The following DLEU7 variants were observed in gnomAD, a reference collection of about 807,000 sequenced individuals.
DLEU7 encodes the protein deleted in lymphocytic leukemia 7.
A neutral mutation model predicts 16.0 loss-of-function variants in DLEU7; 17 were observed. That is an observed-to-expected ratio of 1.06 (90% CI 0.73 to 1.59). DLEU7 has a LOEUF of 1.59. Among genes scored for constraint, DLEU7 ranks in the 40% most tolerant of loss-of-function variants. The pLI is 0.00. For synonymous variants in DLEU7, 113 were observed against 139.8 expected (o/e 0.81, Z 1.35); for missense variants, 308 against 314.9 (o/e 0.98, Z 0.17).
intron 1 of DLEU7, among the ~76,000 whole-genome samples, chr13:50,745,443 G>C (rs1436558575): frequency 6.6e-6 from 1 of 152,144 alleles, no homozygotes; most frequent in African/African-American, 2.4e-5. Context: ...AACGGGTACA[G>C]AGTTTCAGTT....
At chr13:50,749,239 G>C (rs1903616) in intron 1 of DLEU7, among the ~76,000 whole-genome samples, 70,666 of 151,356 alleles carry the variant, frequency 0.47, 17,396 homozygotes, top group African/African-American at 0.61. Flanking sequence ...TTATGGCCAA[G>C]TAGTAGTCCA....
chr13:50,816,678 C>T (rs1246264086), intron 1 of DLEU7, among the ~76,000 whole-genome samples: 1 of 151,762 alleles, frequency 6.6e-6, no homozygotes, highest in Admixed American at 6.6e-5. Flanking sequence ...ACTTCCCAGA[C>T]GTTATGAAAA....
chr13:50,752,500 C>G (rs1366660057), intron 1 of DLEU7, among the ~76,000 whole-genome samples: 3 of 152,082 alleles, frequency 2.0e-5, no homozygotes, highest in Non-Finnish European at 4.4e-5. Flanking sequence ...AGCCGTGGAC[C>G]CTCGCGGTGA....
At chr13:50,797,033 A>G (rs1344042842) in intron 1 of DLEU7, among the ~76,000 whole-genome samples, 2 of 152,202 alleles carry the variant, frequency 1.3e-5, no homozygotes, top group African/African-American at 4.8e-5. Flanking sequence ...TCTGCAATTG[A>G]AAATGAAGAT....
chr13:50,843,356 G>T lies in DLEU7; in HGVS notation c.291C>A (p.Gly97=), dbSNP rs368721515. 3.3e-5 allele frequency: 48 copies of T among 1,436,388 alleles called. No individual in the cohort carries two copies. In the African/African-American group the frequency reaches 6.3e-4, roughly 19 times the overall value. The allele number at this position is 1,436,388 out of a possible 1,614,324, so 89.0% of individuals were successfully genotyped here. The change falls in exon 1 of 2, where the codon GGC becomes GGA. Residue 97 remains glycine (G), a synonymous_variant. Coordinates refer to ENST00000504404, the MANE Select transcript of DLEU7 (RefSeq NM_001306135.2). This position sits in a 1 kb window ranked among gnomAD's most constrained non-coding sequence, Gnocchi z 5.7. ...EEEVVRGAEG[G]AELLPFPRDR... ...CCCGGGGGAAGGGCAGCAACTCGGC[G>T]CCCCCCTCAGCGCCTCGCACTACCT...
chr13:50,761,028 G>A (rs1874912581), intron 1 of DLEU7, among the ~76,000 whole-genome samples: 1 of 152,156 alleles, frequency 6.6e-6, no homozygotes, highest in Admixed American at 6.5e-5. Context: ...GCAGCCACTG[G>A]ATGGGGGAGG....
At chr13:50,754,243 C>T (rs1249934834) in intron 1 of DLEU7, among the ~76,000 whole-genome samples, 17 of 152,158 alleles carry the variant, frequency 1.1e-4, no homozygotes, top group African/African-American at 9.7e-5. Context: ...TCTGTCTTGA[C>T]GACCTGTCTA....
chr13:50,820,373 C>T (rs144595182), downstream of DLEU7, among the ~76,000 whole-genome samples: 2 of 151,820 alleles, frequency 1.3e-5, no homozygotes, highest in East Asian at 3.9e-4. Context: ...CATGCTGACT[C>T]AATGATATTA....
chr13:50,735,734 C>T (rs1051842718), intron 1 of DLEU7, among the ~76,000 whole-genome samples: 2 of 152,064 alleles, frequency 1.3e-5, no homozygotes, highest in African/African-American at 4.8e-5. Context: ...GACATCCATG[C>T]TGTCAACAAG....
intron 1 of DLEU7, among the ~76,000 whole-genome samples, chr13:50,775,649 C>G (rs1875472627): frequency 6.6e-6 from 1 of 152,212 alleles, no homozygotes. Context: ...TCTGCTTCAG[C>G]TCTGTGGGCT....
chr13:50,789,436 A>G (rs594252), intron 1 of DLEU7, among the ~76,000 whole-genome samples: 74,339 of 144,304 alleles, frequency 0.52, 20,686 homozygotes, highest in African/African-American at 0.73. Flanking sequence ...ACTAAGCCCC[A>G]TAAAATCTTC....
At chr13:50,801,440 C>G (rs963874196) in intron 1 of DLEU7, among the ~76,000 whole-genome samples, 1 of 152,092 alleles carries the variant, frequency 6.6e-6, no homozygotes, top group Non-Finnish European at 1.5e-5. Context: ...TTGAGTATCC[C>G]TTTTCTGAGC....
intron 1 of DLEU7, among the ~76,000 whole-genome samples, chr13:50,732,752 T>G (rs761318479): frequency 6.6e-6 from 1 of 152,120 alleles, no homozygotes; most frequent in Non-Finnish European, 1.5e-5. Context: ...TGAATTCTAT[T>G]AGATGACCTA....
At chr13:50,737,194 G>A (rs935793496) in intron 1 of DLEU7, among the ~76,000 whole-genome samples, 3 of 152,048 alleles carry the variant, frequency 2.0e-5, no homozygotes, top group African/African-American at 4.8e-5. Flanking sequence ...CTGCTAGACT[G>A]ATATCTCTCA....
At chr13:50,815,880 T>A (rs1160525506) in intron 1 of DLEU7, among the ~76,000 whole-genome samples, 1 of 151,960 alleles carries the variant, frequency 6.6e-6, no homozygotes, top group Non-Finnish European at 1.5e-5. Context: ...CCCACTTTTT[T>A]ATGAAAAATT....
intron 1 of DLEU7, among the ~76,000 whole-genome samples, chr13:50,759,354 G>C (rs375401466): frequency 6.6e-6 from 1 of 152,158 alleles, no homozygotes; most frequent in Non-Finnish European, 1.5e-5. Context: ...AGAATGGCTT[G>C]ATCCCAATGA....
At chr13:50,720,646 C>T (rs1426012067) in intron 1 of DLEU7, among the ~76,000 whole-genome samples, 3 of 152,144 alleles carry the variant, frequency 2.0e-5, no homozygotes, top group African/African-American at 7.2e-5. Context: ...TAAACTTATC[C>T]TGTAGACATG....
intron 1 of DLEU7, among the ~76,000 whole-genome samples, chr13:50,720,589 A>G (rs1458099272): frequency 2.6e-5 from 4 of 152,216 alleles, no homozygotes; most frequent in African/African-American, 7.2e-5. Flanking sequence ...TTTATTACTT[A>G]GCAGATTAAC....
At chr13:50,754,552 T>G (rs1874693580) in intron 1 of DLEU7, among the ~76,000 whole-genome samples, 1 of 152,196 alleles carries the variant, frequency 6.6e-6, no homozygotes, top group Non-Finnish European at 1.5e-5. Flanking sequence ...TTACTTTAAG[T>G]TTATGTGAGT....
Sources: gnomAD v4.1 joint callset for allele counts (sites outside exome capture counted in the v4.1 genomes callset) on GRCh38, gnomAD v4.1.1 for gene constraint, Gnocchi (gnomAD v3.1) non-coding constraint, MANE v1.5 for transcripts, NCBI Gene and HGNC (gene_info 2026-07-23, HGNC 2026-07-21) for gene names.